SKAP1: variants seen among roughly 807,000 people sequenced by gnomAD.
SKAP1 encodes src kinase associated phosphoprotein 1.
In SKAP1, 44 loss-of-function variants were observed where a neutral mutation model predicts 58.5. The ratio of observed to expected loss-of-function variants is 0.75; its 90% CI spans 0.59 to 0.97. SKAP1 has a LOEUF of 0.97. Ranked by LOEUF, SKAP1 falls within the 50% of genes least tolerant of loss-of-function variation. The pLI, the probability that SKAP1 is intolerant of heterozygous loss-of-function variation, is 0.00. For synonymous variants in SKAP1, 127 were observed against 149.7 expected, an observed-to-expected ratio of 0.85 and a Z score of 1.11; for missense variants, 390 against 435.2, an observed-to-expected ratio of 0.90 and a Z score of 0.92.
At chr17:48,188,578 T>G (rs1454302081) in intron 5 of SKAP1, among the ~76,000 whole-genome samples, 3 of 152,108 alleles carry the variant, frequency 2.0e-5, no homozygotes, top group Non-Finnish European at 4.4e-5. Context: ...TCTCAGCTCT[T>G]TGACAGGCTG....
intron 6 of SKAP1, among the ~76,000 whole-genome samples, chr17:48,186,738 G>A (rs2064459145): frequency 6.6e-6 from 1 of 152,112 alleles, no homozygotes; most frequent in African/African-American, 2.4e-5. Flanking sequence ...CCAAAGTGCT[G>A]GGATTACAGG....
chr17:48,210,078 T>C (rs568765357), intron 4 of SKAP1, among the ~76,000 whole-genome samples: 1 of 152,280 alleles, frequency 6.6e-6, no homozygotes, highest in African/African-American at 2.4e-5. Flanking sequence ...GGCACAGAGC[T>C]CCAGCTCTCC....
intron 2 of SKAP1, among the ~76,000 whole-genome samples, chr17:48,383,941 GTC>G (rs1763124719): frequency 1.3e-5 from 2 of 151,896 alleles, no homozygotes; most frequent in South Asian, 4.2e-4. Flanking sequence ...GGCCAGGCTG[GTC>G]TCAAACTCCT....
At chr17:48,258,537 A>G (rs2065450911) in intron 4 of SKAP1, among the ~76,000 whole-genome samples, 1 of 152,122 alleles carries the variant, frequency 6.6e-6, no homozygotes, top group African/African-American at 2.4e-5. Flanking sequence ...TATATACATT[A>G]CTGGTGCCGT....
intron 4 of SKAP1, among the ~76,000 whole-genome samples, chr17:48,325,485 T>C (rs987413526): frequency 6.6e-6 from 1 of 152,172 alleles, no homozygotes; most frequent in Admixed American, 6.5e-5. Context: ...GGTCATGTTT[T>C]ATTCACTGCT....
intron 4 of SKAP1, among the ~76,000 whole-genome samples, chr17:48,264,777 CACACA>C (rs2065524264): frequency 6.6e-6 from 1 of 151,692 alleles, no homozygotes; most frequent in Non-Finnish European, 1.5e-5. Flanking sequence ...CACACACACA[CACACA>C]CCCTCCATCT....
intron 4 of SKAP1, among the ~76,000 whole-genome samples, chr17:48,321,817 C>T (rs1410249019): frequency 6.6e-6 from 1 of 152,208 alleles, no homozygotes. Context: ...TCACCCTTTC[C>T]TCCCAAAATA....
intron 4 of SKAP1, among the ~76,000 whole-genome samples, chr17:48,190,362 T>G (rs193114628): frequency 2.0e-5 from 3 of 152,046 alleles, no homozygotes; most frequent in African/African-American, 7.2e-5. Context: ...TCCGTCCACG[T>G]TGGCCTCCCA....
chr17:48,428,597 A>T (rs1391429580), intron 1 of SKAP1, among the ~76,000 whole-genome samples: 1 of 152,246 alleles, frequency 6.6e-6, no homozygotes, highest in Non-Finnish European at 1.5e-5. Context: ...TAGACACAAA[A>T]CTGAAGTATA....
intron 4 of SKAP1, among the ~76,000 whole-genome samples, chr17:48,230,883 C>T (rs1784352028): frequency 6.6e-6 from 1 of 152,044 alleles, no homozygotes; most frequent in African/African-American, 2.4e-5. Flanking sequence ...CTGATTTTTG[C>T]ATAAAAGCAC....
chr17:48,338,319 T>C (rs527926349), intron 4 of SKAP1, among the ~76,000 whole-genome samples: 18 of 152,084 alleles, frequency 1.2e-4, no homozygotes, highest in Admixed American at 6.6e-4. Flanking sequence ...CAAGCTAATT[T>C]TTTCATATTT....
At chr17:48,398,974 T>C (rs1203930960) in intron 1 of SKAP1, among the ~76,000 whole-genome samples, 3 of 152,072 alleles carry the variant, frequency 2.0e-5, no homozygotes, top group Non-Finnish European at 1.5e-5. Flanking sequence ...TGAGCTGAGA[T>C]TGCATCACTG....
chr17:48,396,907 C>A, intron 1 of SKAP1, 122 bp from the exon 2 acceptor site: 2 of 588,926 alleles, frequency 3.4e-6, no homozygotes, highest in South Asian at 2.4e-5. Flanking sequence ...TGCACATGTA[C>A]CCTAAAACTT....
chr17:48,284,264 T>G (rs2065803063), intron 4 of SKAP1, among the ~76,000 whole-genome samples: 1 of 152,162 alleles, frequency 6.6e-6, no homozygotes, highest in Non-Finnish European at 1.5e-5. Context: ...CCAATAAAGA[T>G]AAGAAATAAT....
intron 9 of SKAP1, among the ~76,000 whole-genome samples, chr17:48,177,994 A>T (rs895477016): frequency 1.3e-5 from 2 of 152,042 alleles, no homozygotes; most frequent in African/African-American, 4.8e-5. Flanking sequence ...GTACCTACAG[A>T]TGAGTCTTCA....
At chr17:48,441,689 G>T in the SKAP1 span, among the ~76,000 whole-genome samples, 1 of 152,104 alleles carries the variant, frequency 6.6e-6, no homozygotes, top group African/African-American at 2.4e-5. Context: ...GGGTTTCATT[G>T]GCTGGTGTCC....
At chr17:48,279,221 A>G (rs11868161) in intron 4 of SKAP1, among the ~76,000 whole-genome samples, 4,585 of 152,238 alleles carry the variant, frequency 0.03, 82 homozygotes, top group Middle Eastern at 0.065. Flanking sequence ...AAAGACATGG[A>G]GCAGAAAAAA....
At chr17:48,220,852 CAAAAAAAAAAAAAAAAA>C (rs56006389) in intron 4 of SKAP1, among the ~76,000 whole-genome samples, 2 of 83,660 alleles carry the variant, frequency 2.4e-5, no homozygotes, top group African/African-American at 1.1e-4. Flanking sequence ...GACTCCATCT[CAAAAAAAAAAAAAAAAA>C]AAAAAAAAGA....
chr17:48,175,764 C>T (rs184298198), intron 9 of SKAP1, among the ~76,000 whole-genome samples: 2 of 152,254 alleles, frequency 1.3e-5, no homozygotes, highest in Admixed American at 1.3e-4. Flanking sequence ...CATATTTGAG[C>T]AGAATGTGTA....
Sources: allele counts gnomAD v4.1 joint callset (sites outside exome capture counted in the v4.1 genomes callset), GRCh38; gene constraint gnomAD v4.1.1; transcripts MANE v1.5; gene names NCBI Gene and HGNC (gene_info 2026-07-23, HGNC 2026-07-21).